DHX34: variants seen among roughly 807,000 people sequenced by gnomAD.
DHX34 encodes the protein DExH-box helicase 34.
DHX34 carries 96 observed loss-of-function variants against 111.1 expected under a neutral mutation model. That is an observed-to-expected ratio of 0.86 (90% CI 0.73 to 1.02). DHX34 has a LOEUF of 1.02. DHX34 is among the 50% of genes least tolerant of loss of function. The probability of loss-of-function intolerance (pLI) is 0.00; values close to 1 mark genes in which losing one functional copy is unlikely to be tolerated. For synonymous variants in DHX34, 688 were observed against 670.4 expected, an observed-to-expected ratio of 1.03 and a Z score of -0.41; for missense variants, 1,560 against 1,579.9, an observed-to-expected ratio of 0.99 and a Z score of 0.21.
chr19:47,362,409 C>G, intron 5 of DHX34, 67 bp from the exon 6 acceptor site: 2 of 1,430,878 alleles, frequency 1.4e-6, no homozygotes, highest in East Asian at 5.4e-5. Context: ...GTGACAAGAG[C>G]CAGGCGCGTG....
In DHX34 at chr19:47,372,847, C is replaced by T. The variant is rs757571289; in HGVS notation, c.1886C>T (p.Ala629Val). 16 of 1,611,752 alleles carry T rather than the reference C, an allele frequency of 9.9e-6. No homozygotes were observed. The Admixed American group carries it at 1.0e-4, about 10-fold the overall frequency. The change falls in exon 8 of 17, where the codon GCG (alanine) becomes GTG (valine). Residue 629 changes from alanine (A) to valine (V), a missense_variant. Ala to Val is a moderately conservative substitution (Grantham distance 64). Coordinates refer to ENST00000328771, the MANE Select transcript of DHX34 (RefSeq NM_014681.6). ...TRSAQSSPEC[A>V]AARRPLESDQ... The stretch of plus-strand genomic sequence containing the variant: ...AGCGCCCAGAGCAGCCCAGAGTGCG[C>T]GGCAGCACGGCGGCCGCTGGAGAGC...
chr19:47,367,272 T>C, intron 7 of DHX34, 117 bp downstream of exon 7: 1 of 1,104,252 alleles, frequency 9.1e-7, no homozygotes, highest in South Asian at 2.4e-5. Context: ...GTTCATTTAT[T>C]CACTCTTCAC....
At chr19:47,377,352 TGC>T in intron 13 of DHX34, 146 bp downstream of exon 13, 1 of 827,390 alleles carries the variant, frequency 1.2e-6, no homozygotes, top group Non-Finnish European at 1.8e-6. Context: ...TTGCTGTGGC[TGC>T]TTTTTCTCTC....
chr19:47,355,010 C>G (rs1349346913), intron 2 of DHX34, 29 bp from the exon 3 acceptor site: 2 of 1,608,678 alleles, frequency 1.2e-6, no homozygotes, highest in African/African-American at 2.7e-5. Flanking sequence ...TCAGGGTCCT[C>G]TCCTGATCCT....
At chr19:47,351,987 A>G (rs1224048794) in intron 1 of DHX34, among the ~76,000 whole-genome samples, 1 of 152,190 alleles carries the variant, frequency 6.6e-6, no homozygotes, top group Non-Finnish European at 1.5e-5. Flanking sequence ...TTTTATCTCA[A>G]TGTTCTGAAT....
Position 47,381,960 on chromosome 19 carries a change from TC to T in DHX34, c.3299-18del. On this transcript the variant is annotated intron_variant, in intron 16 of 16. Coordinates refer to ENST00000328771, the MANE Select transcript of DHX34 (RefSeq NM_014681.6). ...GCACTGGAACACGCCCCTCACAGCC[TC>T]CTCCTTTTCCTCCCTTAGGGGCTGA... 1 of 1,613,914 alleles carries T rather than the reference TC, an allele frequency of 6.2e-7. No homozygotes were observed. The highest frequency in any genetic ancestry group is 1.1e-5 in the South Asian group (1 of 91,072).
intron 7 of DHX34, among the ~76,000 whole-genome samples, chr19:47,368,951 T>G (rs1375370508): frequency 1.3e-5 from 2 of 152,050 alleles, no homozygotes; most frequent in South Asian, 4.1e-4. Context: ...TGGTGTGATC[T>G]CAGCTAACTG....
Position 47,379,875 on chromosome 19 carries a change from C to G in DHX34, c.2872C>G (p.Leu958Val), listed in dbSNP as rs760444080. 3 of 1,613,472 alleles carry G rather than the reference C, an allele frequency of 1.9e-6. No individual in the cohort carries two copies. In the African/African-American group the frequency reaches 4.0e-5, roughly 22 times the overall value. The change falls in exon 14 of 17, where the codon CTG (leucine) becomes GTG (valine). Residue 958 changes from leucine (L) to valine (V), a missense_variant. Leu to Val is a conservative substitution (Grantham distance 32). Coordinates refer to ENST00000328771, the MANE Select transcript of DHX34 (RefSeq NM_014681.6). ...ARWESALDRQ[L>V]AHQAQQQLEE... ...CTGGGAAAGTGCCCTGGACCGGCAG[C>G]TGGCGCACCAGGCCCAGCAGCAGCT... is the stretch of plus-strand genomic sequence containing the variant.
Position 47,381,152 on chromosome 19 carries a change from CG to C in DHX34, c.3160-29del, listed in dbSNP as rs567404392. On this transcript the variant is annotated intron_variant, in intron 15 of 16. Coordinates refer to ENST00000328771, the MANE Select transcript of DHX34 (RefSeq NM_014681.6). ...CACTTGGGTGGTGGGTGGCACTTGG[CG>C]GGGGCCCAGCCCTGACAGCTGGCCT... 2.5e-6 allele frequency: 4 copies of C among 1,608,032 alleles called. No homozygotes were observed. In the South Asian group the frequency reaches 4.4e-5, roughly 18 times the overall value.
At chr19:47,377,948 C>T (rs1048704793) in intron 13 of DHX34, among the ~76,000 whole-genome samples, 2 of 152,150 alleles carry the variant, frequency 1.3e-5, no homozygotes, top group Admixed American at 6.5e-5. Flanking sequence ...TCTTTGTGAT[C>T]CTAGGCCTGG....
chr19:47,351,353 T>C (rs1052295137), intron 1 of DHX34, among the ~76,000 whole-genome samples: 5 of 151,612 alleles, frequency 3.3e-5, no homozygotes, highest in Admixed American at 2.6e-4. Flanking sequence ...CACACCTGGC[T>C]AATTTTTTTT....
At chr19:47,376,307 G>A in intron 11 of DHX34, 136 bp from the exon 12 acceptor site, 3 of 1,514,758 alleles carry the variant, frequency 2.0e-6, no homozygotes, top group Non-Finnish European at 2.6e-6. Flanking sequence ...CCCACAGGGG[G>A]CATCTGCCCC....
chr19:47,366,720 A>T, intron 6 of DHX34: 1 of 473,492 alleles, frequency 2.1e-6, no homozygotes, highest in Non-Finnish European at 2.7e-6. Context: ...AGCTGGGATT[A>T]CAGTCATGCA....
At chr19:47,376,889 G>A in intron 12 of DHX34, 1 of 1,534,202 alleles carries the variant, frequency 6.5e-7, no homozygotes, top group South Asian at 1.2e-5. Flanking sequence ...TGGCACCCGT[G>A]TGCATGGAAG....
Position 47,366,966 on chromosome 19 carries a change from T to C in DHX34, c.1594-15T>C, listed in dbSNP as rs1193029156. 7 of 1,542,216 alleles carry C rather than the reference T, an allele frequency of 4.5e-6. No homozygotes were observed. The South Asian group carries it at 8.7e-5, about 19-fold the overall frequency. On this transcript the variant is annotated splice_polypyrimidine_tract_variant and intron_variant, in intron 6 of 16. Coordinates refer to ENST00000328771, the MANE Select transcript of DHX34 (RefSeq NM_014681.6). Reference sequence around the variant, plus strand: ...TTGTGTTCCCCAATCTTGGGGGTTTTGCTTCTCATTCTAGATGAAGAGCAT... The same window carrying C: ...TTGTGTTCCCCAATCTTGGGGGTTTCGCTTCTCATTCTAGATGAAGAGCAT...
At chr19:47,377,026 G>C in intron 12 of DHX34, 74 bp from the exon 13 acceptor site, 6 of 1,609,034 alleles carry the variant, frequency 3.7e-6, no homozygotes, top group Non-Finnish European at 5.1e-6. Flanking sequence ...TACTTTGACC[G>C]GGTGGGACAG....
At chr19:47,354,578 G>A (rs926507567) in intron 2 of DHX34, among the ~76,000 whole-genome samples, 4 of 152,210 alleles carry the variant, frequency 2.6e-5, no homozygotes, top group African/African-American at 9.6e-5. Context: ...AGTGGCAGAG[G>A]TGAGATTCAA....
Position 47,359,983 on chromosome 19 carries a change from C to T in DHX34, c.1288C>T (p.Pro430Ser), listed in dbSNP as rs750416555. The change falls in exon 5 of 17, where the codon CCC becomes TCC. Residue 430 changes from proline to serine, a missense_variant. Transcript: ENST00000328771. ...ADQDKVFDVA[P>S]PGVRKCILST... ...TTCCTCCCAGGTATTTGATGTGGCA[C>T]CCCCTGGAGTCCGGAAATGCATCCT... 8.1e-6 allele frequency: 13 copies of T among 1,613,996 alleles called. No homozygotes were observed. Among genetic ancestry groups the T allele is most frequent in the Admixed American group, 1.7e-5 (1 of 59,990 alleles).
chr19:47,366,880 A>T, intron 6 of DHX34, 101 bp from the exon 7 acceptor site: 2 of 1,405,610 alleles, frequency 1.4e-6, no homozygotes, highest in Non-Finnish European at 1.9e-6. Context: ...GGCCAACACT[A>T]GGAATTTTAA....
Sources: allele counts gnomAD v4.1 joint callset (sites outside exome capture counted in the v4.1 genomes callset), GRCh38; gene constraint gnomAD v4.1.1; transcripts MANE v1.5; gene names NCBI Gene and HGNC (gene_info 2026-07-23, HGNC 2026-07-21).